DYRK1A: variants seen among roughly 807,000 people sequenced by gnomAD.
DYRK1A encodes dual specificity tyrosine phosphorylation regulated kinase 1A, also known as dual specificity tyrosine-phosphorylation-regulated kinase 1A.
In DYRK1A, 9 loss-of-function variants were observed where a neutral mutation model predicts 79.7. The ratio of observed to expected loss-of-function variants is 0.11; its 90% CI spans 0.07 to 0.20. The LOEUF is 0.20. DYRK1A is among the 10% of genes least tolerant of loss of function. DYRK1A has a pLI of 1.00. For synonymous variants in DYRK1A, 349 were observed against 329.7 expected (o/e 1.06, Z -0.63); for missense variants, 622 against 956.0 (o/e 0.65, Z 4.61).
chr21:37,447,434 C>CT (rs2051309926), intron 2 of DYRK1A, among the ~76,000 whole-genome samples: 1 of 152,000 alleles, frequency 6.6e-6, no homozygotes, highest in South Asian at 2.1e-4. Context: ...CCACTCAAGC[C>CT]TTTAAGACCT....
intron 2 of DYRK1A, among the ~76,000 whole-genome samples, chr21:37,471,342 C>T: frequency 6.6e-6 from 1 of 152,080 alleles, no homozygotes; most frequent in East Asian, 1.9e-4. Flanking sequence ...GGTGTCATTC[C>T]CTGTGGTGGA....
chr21:37,457,165 T>A (rs1339717579), intron 2 of DYRK1A, among the ~76,000 whole-genome samples: 1 of 151,936 alleles, frequency 6.6e-6, no homozygotes, highest in Admixed American at 6.6e-5. Context: ...ACTCCTGGGT[T>A]CAGGTGACTC....
rs2053815196 is a variant in DYRK1A, at chr21:37,513,325, T to TG, written c.*798dup. The TG allele has an allele frequency of 6.5e-6, 1 of 152,760 alleles. No individual in the cohort carries two copies. Among genetic ancestry groups the TG allele is most frequent in the African/African-American group, 2.4e-5 (1 of 41,442 alleles). The allele number at this position is 152,760 out of a possible 1,614,324, so 9.5% of individuals were successfully genotyped here. On this transcript the variant is annotated 3_prime_UTR_variant, in exon 12 of 12. Coordinates refer to ENST00000647188, the MANE Select transcript of DYRK1A (RefSeq NM_001347721.2). ...TCAACGGGTCGGTCGTGGCCAGTCC[T>TG]GGGGAGGTCTGAGTGGTGGTCTTTG...
chr21:37,471,024 C>T (rs2052204052), intron 2 of DYRK1A, among the ~76,000 whole-genome samples: 1 of 152,132 alleles, frequency 6.6e-6, no homozygotes, highest in African/African-American at 2.4e-5. Context: ...AGAAGAGAAT[C>T]TAAAGTCTGA....
chr21:37,368,510 C>G (rs531336886), intron 1 of DYRK1A, among the ~76,000 whole-genome samples: 1 of 152,172 alleles, frequency 6.6e-6, no homozygotes, highest in Admixed American at 6.5e-5. Flanking sequence ...ACACGAATCC[C>G]ATAATCTGGG....
intron 1 of DYRK1A, among the ~76,000 whole-genome samples, chr21:37,398,805 C>T (rs1486607220): frequency 6.6e-6 from 1 of 151,898 alleles, no homozygotes; most frequent in African/African-American, 2.4e-5. Flanking sequence ...ACAACCATAA[C>T]AGGACAGGTT....
intron 1 of DYRK1A, among the ~76,000 whole-genome samples, chr21:37,391,762 G>C (rs902582052): frequency 5.9e-5 from 9 of 152,124 alleles, no homozygotes; most frequent in African/African-American, 2.2e-4. Flanking sequence ...CTGCAGTTCT[G>C]CCATCTTCCC....
chr21:37,427,537 G>A (rs2835732), intron 2 of DYRK1A, among the ~76,000 whole-genome samples: 21,046 of 152,014 alleles, frequency 0.14, 1,573 homozygotes, highest in Middle Eastern at 0.16. Flanking sequence ...AATGTTTAAC[G>A]GTTCCCCATT....
intron 1 of DYRK1A, among the ~76,000 whole-genome samples, chr21:37,388,250 T>G (rs1274441850): frequency 2.0e-5 from 3 of 152,004 alleles, no homozygotes; most frequent in African/African-American, 7.2e-5. Context: ...GCCTGACTAA[T>G]TTTTCTGTAT....
At chr21:37,496,392 T>C (rs1006685424) in intron 9 of DYRK1A, 134 bp downstream of exon 9, 5 of 904,796 alleles carry the variant, frequency 5.5e-6, no homozygotes, top group Admixed American at 2.9e-5. Flanking sequence ...TACATAGATA[T>C]TTTGTTCAGA....
intron 2 of DYRK1A, among the ~76,000 whole-genome samples, chr21:37,471,103 A>G (rs1458295561): frequency 1.3e-5 from 2 of 152,244 alleles, no homozygotes; most frequent in Non-Finnish European, 2.9e-5. Context: ...TGTATTTTAG[A>G]AAGGTCACTT....
chr21:37,471,855 TGACCA>T (rs2052236249), intron 2 of DYRK1A, among the ~76,000 whole-genome samples: 2 of 152,362 alleles, frequency 1.3e-5, no homozygotes, highest in East Asian at 3.9e-4. Context: ...TCATTCTTGT[TGACCA>T]AGGTTTTAGG....
chr21:37,449,070 A>G lies in DYRK1A; in HGVS notation c.11-23614A>G, dbSNP rs553289952. ...GCTTTACTTTTGTACCTCTTCTCCA[A>G]GAAAAAAGTCTACTCTCTCAAAAAC... On this transcript the variant is annotated intron_variant, in intron 2 of 11. Transcript: ENST00000647188. Among the ~76,000 whole-genome samples, 5 of 152,298 alleles carry G rather than the reference A, an allele frequency of 3.3e-5. No individual in the cohort carries two copies. In the East Asian group the frequency reaches 9.6e-4, roughly 29 times the overall value.
intron 2 of DYRK1A, among the ~76,000 whole-genome samples, chr21:37,454,060 C>G (rs1328044024): frequency 8.4e-6 from 1 of 119,212 alleles, no homozygotes; most frequent in Non-Finnish European, 1.7e-5. Context: ...CCTACATTGT[C>G]TTTCATATTA....
chr21:37,386,518 A>G (rs1201589161), intron 1 of DYRK1A, among the ~76,000 whole-genome samples: 2 of 152,246 alleles, frequency 1.3e-5, no homozygotes, highest in Non-Finnish European at 2.9e-5. Context: ...GCCACACACA[A>G]CAGTTGGCAA....
rs2050446726 is a variant in DYRK1A, at chr21:37,420,510, C to T, written c.10+126C>T. On this transcript the variant is annotated intron_variant, in intron 2 of 11. Coordinates refer to ENST00000647188, the MANE Select transcript of DYRK1A (RefSeq NM_001347721.2). ...GGGGGGAATTGTAGATCAGTAAATG[C>T]AAAGGTAGTTGGGCTATTTGTTAAA... 3.2e-6 allele frequency: 3 copies of T among 927,284 alleles called. No individual in the cohort carries two copies. The Admixed American group carries it at 6.4e-5, about 20-fold the overall frequency. The allele number at this position is 927,284 out of a possible 1,614,324, so 57.4% of individuals were successfully genotyped here.
intron 2 of DYRK1A, among the ~76,000 whole-genome samples, chr21:37,447,420 G>T (rs1311533330): frequency 6.6e-6 from 1 of 151,788 alleles, no homozygotes; most frequent in African/African-American, 2.4e-5. Flanking sequence ...CACGAATCTT[G>T]CTGCCACTCA....
chr21:37,471,200 G>A (rs1389988679), intron 2 of DYRK1A, among the ~76,000 whole-genome samples: 1 of 152,238 alleles, frequency 6.6e-6, no homozygotes, highest in Admixed American at 6.5e-5. Context: ...AGTGTTATAT[G>A]TGGTGATGTA....
chr21:37,407,949 G>A (rs971163211), intron 1 of DYRK1A, among the ~76,000 whole-genome samples: 2 of 151,998 alleles, frequency 1.3e-5, no homozygotes, highest in Non-Finnish European at 2.9e-5. Flanking sequence ...GTTTTACCCC[G>A]GCTCCCTGAA....
Sources: allele counts gnomAD v4.1 joint callset (sites outside exome capture counted in the v4.1 genomes callset), GRCh38; gene constraint gnomAD v4.1.1; transcripts MANE v1.5; gene names NCBI Gene and HGNC (gene_info 2026-07-23, HGNC 2026-07-21).